ATP8B4: variants seen among roughly 807,000 people sequenced by gnomAD.
The protein encoded by ATP8B4 is ATPase phospholipid transporting 8B4 (putative), also known as probable phospholipid-transporting ATPase IM.
A neutral mutation model predicts 145.6 loss-of-function variants in ATP8B4; 133 were observed. The ratio of observed to expected loss-of-function variants is 0.91; its 90% CI spans 0.79 to 1.05. The LOEUF is 1.05. Ranked by LOEUF, ATP8B4 falls within the 50% of genes least tolerant of loss-of-function variation. The pLI is 0.00. For missense variants in ATP8B4, 1,458 were observed against 1,425.2 expected, an observed-to-expected ratio of 1.02 and a Z score of -0.37; for synonymous variants, 507 against 492.9, an observed-to-expected ratio of 1.03 and a Z score of -0.38.
At chr15:49,938,085 A>C (rs1435418402) in intron 14 of ATP8B4, among the ~76,000 whole-genome samples, 1 of 152,190 alleles carries the variant, frequency 6.6e-6, no homozygotes, top group Non-Finnish European at 1.5e-5. Flanking sequence ...GCCAAAGCTG[A>C]AGAGATGAGC....
chr15:49,917,198 G>A (rs2039829237), intron 19 of ATP8B4, 159 bp from the exon 20 acceptor site: 1 of 596,436 alleles, frequency 1.7e-6, no homozygotes. Context: ...CAGTGCAGAG[G>A]GAAATTCAAA....
intron 2 of ATP8B4, among the ~76,000 whole-genome samples, chr15:50,090,302 AACC>A (rs886797684): frequency 8.5e-5 from 13 of 152,196 alleles, no homozygotes; most frequent in Non-Finnish European, 1.6e-4. Context: ...AGATGCAGCA[AACC>A]ACCACATTTA....
chr15:50,047,851 C>T (rs1017352248), intron 3 of ATP8B4, among the ~76,000 whole-genome samples: 1 of 152,090 alleles, frequency 6.6e-6, no homozygotes, highest in African/African-American at 2.4e-5. Flanking sequence ...CAAAGCATGA[C>T]CCTTTTAGAT....
chr15:49,944,441 A>C (rs1366178734), intron 14 of ATP8B4, among the ~76,000 whole-genome samples: 1 of 152,184 alleles, frequency 6.6e-6, no homozygotes, highest in East Asian at 1.9e-4. Context: ...GAGACACAGC[A>C]GACTTTAAGT....
intron 23 of ATP8B4, among the ~76,000 whole-genome samples, chr15:49,890,644 T>C (rs999732460): frequency 6.6e-6 from 1 of 152,192 alleles, no homozygotes; most frequent in Non-Finnish European, 1.5e-5. Context: ...CTTACAAATA[T>C]GTTGTTTTCT....
At chr15:50,153,420 C>T (rs1341645094) in intron 1 of ATP8B4, among the ~76,000 whole-genome samples, 3 of 151,124 alleles carry the variant, frequency 2.0e-5, no homozygotes, top group African/African-American at 7.3e-5. Flanking sequence ...CTCACTGCAA[C>T]CTCCGCCCCC....
chr15:49,862,520 G>A lies in ATP8B4; in HGVS notation c.3167-145C>T, dbSNP rs1393513493. 13 of 946,070 alleles carry A rather than the reference G, an allele frequency of 1.4e-5. No individual in the cohort carries two copies. The Admixed American group carries it at 1.7e-4, about 13-fold the overall frequency. The allele number at this position is 946,070 out of a possible 1,614,324, so 58.6% of individuals were successfully genotyped here. On this transcript the variant is annotated intron_variant, in intron 26 of 27. Coordinates refer to ENST00000284509, the MANE Select transcript of ATP8B4 (RefSeq NM_024837.4). ...CCAGGCTGGTGGAATGCAGTGGTGCGATCTCAGCTCACTGCAAGCTCTGCC... is the reference window on the plus strand; with the variant it reads ...CCAGGCTGGTGGAATGCAGTGGTGCAATCTCAGCTCACTGCAAGCTCTGCC...
chr15:50,114,985 G>C (rs1298595472), intron 1 of ATP8B4, among the ~76,000 whole-genome samples: 1 of 152,174 alleles, frequency 6.6e-6, no homozygotes, highest in African/African-American at 2.4e-5. Context: ...TCTTTCAAAA[G>C]CCCACAGTCT....
intron 3 of ATP8B4, among the ~76,000 whole-genome samples, chr15:50,048,814 C>A (rs1053874960): frequency 2.6e-5 from 4 of 152,072 alleles, no homozygotes; most frequent in Non-Finnish European, 5.9e-5. Context: ...ATATGTAGGC[C>A]CAACAGGTAT....
intron 8 of ATP8B4, among the ~76,000 whole-genome samples, chr15:50,000,783 C>T (rs2047822713): frequency 6.6e-6 from 1 of 152,046 alleles, no homozygotes; most frequent in Non-Finnish European, 1.5e-5. Flanking sequence ...ACCAGACAGC[C>T]CTAGATTTCA....
chr15:50,002,288 T>C (rs2153561311), intron 7 of ATP8B4, 65 bp from the exon 8 acceptor site: 2 of 1,325,442 alleles, frequency 1.5e-6, no homozygotes, highest in East Asian at 4.9e-5. Context: ...TCTTCTACAG[T>C]ATATCACCTC....
intron 10 of ATP8B4, chr15:49,982,699 T>G (rs1027972320): frequency 6.6e-6 from 1 of 152,230 alleles, no homozygotes; most frequent in African/African-American, 2.4e-5. Context: ...GAATCCTTTT[T>G]ATGGATTATT....
At chr15:49,910,584 C>T (rs965536488) in intron 20 of ATP8B4, among the ~76,000 whole-genome samples, 1 of 152,004 alleles carries the variant, frequency 6.6e-6, no homozygotes, top group Non-Finnish European at 1.5e-5. Context: ...TGATAAAATT[C>T]TAAAAATAGC....
intron 14 of ATP8B4, among the ~76,000 whole-genome samples, chr15:49,934,466 C>CA (rs140833341): frequency 0.023 from 3,531 of 152,048 alleles, 136 homozygotes; most frequent in African/African-American, 0.082. Context: ...CTTCAAAATA[C>CA]AAAAAACCAC....
chr15:49,902,463 T>C (rs999701499), intron 20 of ATP8B4, among the ~76,000 whole-genome samples: 2 of 152,190 alleles, frequency 1.3e-5, no homozygotes, highest in African/African-American at 4.8e-5. Context: ...AAAAGATACA[T>C]TAACTTCTAG....
chr15:50,180,145 A>G (rs1235220774), intron 1 of ATP8B4, among the ~76,000 whole-genome samples: 1 of 152,120 alleles, frequency 6.6e-6, no homozygotes, highest in African/African-American at 2.4e-5. Context: ...CAGGACCCAC[A>G]GACATTGGTT....
At chr15:50,095,386 T>A (rs778137584) in intron 2 of ATP8B4, among the ~76,000 whole-genome samples, 1 of 152,194 alleles carries the variant, frequency 6.6e-6, no homozygotes, top group African/African-American at 2.4e-5. Flanking sequence ...TACTCTGTTA[T>A]TCCAAAATTC....
intron 23 of ATP8B4, among the ~76,000 whole-genome samples, chr15:49,892,711 G>C (rs1045342078): frequency 1.3e-5 from 2 of 152,196 alleles, no homozygotes; most frequent in Non-Finnish European, 2.9e-5. Context: ...TGCAAAATGA[G>C]TTTGGGTAAT....
At chr15:49,909,600 A>G (rs2039013004) in intron 20 of ATP8B4, among the ~76,000 whole-genome samples, 1 of 151,768 alleles carries the variant, frequency 6.6e-6, no homozygotes, top group Non-Finnish European at 1.5e-5. Flanking sequence ...CACTGCTCCC[A>G]CTGGGGCCCA....
Sources: allele counts gnomAD v4.1 joint callset (sites outside exome capture counted in the v4.1 genomes callset), GRCh38; gene constraint gnomAD v4.1.1; transcripts MANE v1.5; gene names NCBI Gene and HGNC (gene_info 2026-07-23, HGNC 2026-07-21).